The following SCN4A variants were observed in gnomAD, a reference collection of about 807,000 sequenced individuals.
SCN4A encodes sodium channel protein type 4 subunit alpha.
A neutral mutation model predicts 162.0 loss-of-function variants in SCN4A; 83 were observed. That is an observed-to-expected ratio of 0.51 (90% CI 0.43 to 0.61). The LOEUF (loss-of-function observed/expected upper bound fraction) is 0.61, where lower values mean the gene tolerates loss of function less well. Among genes scored for constraint, SCN4A ranks in the 20% least tolerant of loss-of-function variants. SCN4A has a pLI of 0.00. For synonymous variants in SCN4A, 944 were observed against 985.1 expected, an observed-to-expected ratio of 0.96 and a Z score of 0.78; for missense variants, 2,196 against 2,462.5, an observed-to-expected ratio of 0.89 and a Z score of 2.29.
rs558855276 is a variant in SCN4A, at chr17:63,972,721, G to A, written c.121C>T (p.Arg41Trp). 1.7e-5 allele frequency: 28 copies of A among 1,613,544 alleles called. No homozygotes were observed. Among genetic ancestry groups the A allele is most frequent in the East Asian group, 1.3e-4 (6 of 44,872 alleles). Reference protein sequence around the residue: ...RAVEEEARLQRNKQMEIEEPE... With the variant: ...RAVEEEARLQWNKQMEIEEPE... ...TCCTCAATCTCCATCTGCTTATTCCGCTGCAGCCGGGCCTCCTCCTCCACC... is the reference window on the plus strand; with the variant it reads ...TCCTCAATCTCCATCTGCTTATTCCACTGCAGCCGGGCCTCCTCCTCCACC... The change falls in exon 1 of 24, where the codon CGG becomes TGG. Residue 41 changes from arginine to tryptophan, a missense_variant. Coordinates refer to ENST00000435607, the MANE Select transcript of SCN4A (RefSeq NM_000334.4). The surrounding 1 kb of genome is among the most constrained non-coding windows in gnomAD (Gnocchi z 4.3).
In SCN4A at chr17:63,968,296, T is replaced by G; in HGVS notation, c.763A>C (p.Ile255Leu). The G allele has an allele frequency of 1.2e-6, 2 of 1,611,600 alleles. No homozygotes were observed. Among genetic ancestry groups the G allele is most frequent in the Non-Finnish European group, 1.7e-6 (2 of 1,177,914 alleles). The change falls in exon 6 of 24, where the codon ATC (isoleucine) becomes CTC (leucine). Residue 255 changes from isoleucine to leucine, a missense_variant. By Grantham distance (5) the Ile-to-Leu change is conservative. Coordinates refer to ENST00000435607, the MANE Select transcript of SCN4A (RefSeq NM_000334.4). The part of the protein sequence containing the change: ...QSVKKLSDVM[I>L]LTVFCLSVFA... The stretch of plus-strand genomic sequence containing the variant: ...ACGCTCAGGCAGAAGACAGTGAGGA[T>G]CATCACATCCGACAGCTTTTTCACC...
At chr17:63,947,237 G>A in intron 17 of SCN4A, 70 bp from the exon 18 acceptor site, 6 of 1,589,616 alleles carry the variant, frequency 3.8e-6, no homozygotes, top group Non-Finnish European at 5.1e-6. Context: ...AGGCCACGGG[G>A]GTCTTCCTGG....
intron 13 of SCN4A, among the ~76,000 whole-genome samples, chr17:63,953,813 C>T (rs1439596683): frequency 6.6e-6 from 1 of 152,188 alleles, no homozygotes; most frequent in Non-Finnish European, 1.5e-5. Flanking sequence ...AGAGAGGTGG[C>T]GTGGCCTGCT....
Position 63,940,541 on chromosome 17 carries a change from G to C in SCN4A, c.*230C>G. ...TTGCAGGTTAAATCTTGGAGGCAGG[G>C]GCCTCAGACCCAGCATGGAGCCCCT... On this transcript the variant is annotated 3_prime_UTR_variant, in exon 24 of 24. Transcript: ENST00000435607. 2.1e-6 allele frequency: 1 copy of C among 479,142 alleles called. No homozygotes were observed. The highest frequency in any genetic ancestry group is 3.6e-6 in the Non-Finnish European group (1 of 276,340). The allele number at this position is 479,142 out of a possible 1,614,324, so 29.7% of individuals were successfully genotyped here.
In SCN4A at chr17:63,972,333, C is replaced by A. The variant is rs925622516; in HGVS notation, c.392+19G>T. On this transcript the variant is annotated intron_variant, in intron 2 of 23. Coordinates refer to ENST00000435607, the MANE Select transcript of SCN4A (RefSeq NM_000334.4). The surrounding 1 kb of genome is among the most constrained non-coding windows in gnomAD (Gnocchi z 4.3). ...CCCATCCCTAACCCCTCCCGCCTCT[C>A]CCATCTTGGGCAGGATATGCATGGA... 6.2e-7 allele frequency: 1 copy of A among 1,610,388 alleles called. No homozygotes were observed. The highest frequency in any genetic ancestry group is 1.7e-5 in the Admixed American group (1 of 59,814).
rs1303341938 is a variant in SCN4A, at chr17:63,940,897, C to G, written c.5385G>C (p.Lys1795Asn). 2 of 1,613,826 alleles carry G rather than the reference C, an allele frequency of 1.2e-6. No homozygotes were observed. Among genetic ancestry groups the G allele is most frequent in the Non-Finnish European group, 1.7e-6 (2 of 1,179,884 alleles). Reference protein sequence around the residue: ...GNSSSPSPEEKGEAGDAGPTM... With the variant: ...GNSSSPSPEENGEAGDAGPTM... ...TGGGTCCGGCGTCCCCTGCCTCGCCCTTCTCCTCCGGGCTTGGCGAGCTGC... is the reference window on the plus strand; with the variant it reads ...TGGGTCCGGCGTCCCCTGCCTCGCCGTTCTCCTCCGGGCTTGGCGAGCTGC... The change falls in exon 24 of 24, where the codon AAG (lysine) becomes AAC (asparagine). Residue 1795 changes from lysine to asparagine, a missense_variant. Physicochemically the swap from Lys to Asn is moderately conservative, Grantham distance 94 (BLOSUM62 0). Coordinates refer to ENST00000435607, the MANE Select transcript of SCN4A (RefSeq NM_000334.4).
chr17:63,966,698 C>T (rs1273746248), intron 6 of SCN4A, among the ~76,000 whole-genome samples, 154 bp from the exon 7 acceptor site: 1 of 152,250 alleles, frequency 6.6e-6, no homozygotes, highest in Non-Finnish European at 1.5e-5. Flanking sequence ...TTAAGGACAG[C>T]TCCAAGTTCC....
chr17:63,955,403 G>C (rs552536026), intron 13 of SCN4A, among the ~76,000 whole-genome samples: 1 of 152,194 alleles, frequency 6.6e-6, no homozygotes, highest in Non-Finnish European at 1.5e-5. Flanking sequence ...TCCCAGCCAC[G>C]TGGCCAGGCA....
intron 9 of SCN4A, 56 bp from the exon 10 acceptor site, chr17:63,963,881 A>T: frequency 6.7e-7 from 1 of 1,489,628 alleles, no homozygotes; most frequent in Non-Finnish European, 9.1e-7. Context: ...AGAGGGATGG[A>T]CTAATTGACC....
chr17:63,967,878 A>C (rs1653401619), intron 6 of SCN4A, 145 bp downstream of exon 6: 1 of 704,302 alleles, frequency 1.4e-6, no homozygotes, highest in Non-Finnish European at 2.4e-6. Flanking sequence ...GGTTGTAGTG[A>C]GCTGAGATGG....
intron 8 of SCN4A, among the ~76,000 whole-genome samples, chr17:63,965,240 C>T (rs914762294): frequency 5.3e-5 from 8 of 151,970 alleles, no homozygotes; most frequent in Non-Finnish European, 1.0e-4. Context: ...AGATGGGTTT[C>T]GCCATGCTGG....
At chr17:63,957,594 A>C in intron 12 of SCN4A, 76 bp from the exon 13 acceptor site, 2 of 974,458 alleles carry the variant, frequency 2.1e-6, no homozygotes, top group Non-Finnish European at 3.1e-6. Flanking sequence ...TAGGAGAAAG[A>C]ACAGTGTCGA....
chr17:63,951,900 C>A lies in SCN4A; in HGVS notation c.2377G>T (p.Val793Phe), dbSNP rs1487423681. The A allele has an allele frequency of 6.6e-7, 1 of 1,521,388 alleles. No individual in the cohort carries two copies. Among genetic ancestry groups the A allele is most frequent in the African/African-American group, 1.4e-5 (1 of 73,204 alleles). 94.2% of individuals were successfully genotyped at this position (1,521,388 alleles called of 1,614,324 possible). A position where few individuals can be genotyped will look rare whatever the true frequency, so the allele number is the denominator to read the frequency against. The change falls in exon 14 of 24, where the codon GTC becomes TTC. Residue 793 changes from valine to phenylalanine, a missense_variant and splice_region_variant. Coordinates refer to ENST00000435607, the MANE Select transcript of SCN4A (RefSeq NM_000334.4). The surrounding 1 kb of genome is among the most constrained non-coding windows in gnomAD (Gnocchi z 4.5). ...AGCAGAGCCAGGAACAGGTTCAGGA[C>A]CTGGGGCATGGGGTCAGGGGGAGCC... ...LMVMVIGNLV[V>F]LNLFLALLLS...
intron 6 of SCN4A, among the ~76,000 whole-genome samples, chr17:63,967,314 G>A (rs1161234722): frequency 1.3e-5 from 2 of 151,968 alleles, no homozygotes; most frequent in Admixed American, 6.6e-5. Flanking sequence ...CACCACGCCC[G>A]GCTAATTTTT....
At position 63,945,711 on chromosome 17, in the gene SCN4A, C is replaced by T; in HGVS notation, c.3442-73G>A. The T allele has an allele frequency of 6.5e-7, 1 of 1,539,212 alleles. No individual in the cohort carries two copies. The highest frequency in any genetic ancestry group is 8.9e-7 in the Non-Finnish European group (1 of 1,119,646). On this transcript the variant is annotated intron_variant, in intron 18 of 23. Transcript: ENST00000435607. The surrounding 1 kb of genome is among the most constrained non-coding windows in gnomAD (Gnocchi z 4.4). ...GAGGGCTCCACATCTCTACGCCACCCAGGGGACCAGGCAGAGCTGGGCATT... is the reference window on the plus strand; with the variant it reads ...GAGGGCTCCACATCTCTACGCCACCTAGGGGACCAGGCAGAGCTGGGCATT...
At chr17:63,953,453 T>C (rs919638991) in intron 13 of SCN4A, among the ~76,000 whole-genome samples, 5 of 151,778 alleles carry the variant, frequency 3.3e-5, no homozygotes, top group African/African-American at 4.8e-5. Context: ...TTGGCTGTTA[T>C]TATGTTTGAA....
At chr17:63,963,128 C>CTGTCG in intron 10 of SCN4A, among the ~76,000 whole-genome samples, 1 of 152,324 alleles carries the variant, frequency 6.6e-6, no homozygotes, top group Non-Finnish European at 1.5e-5. Context: ...GTCCATCCAT[C>CTGTCG]TGTCGTGTCG....
At chr17:63,959,637 C>T (rs938844587) in intron 11 of SCN4A, among the ~76,000 whole-genome samples, 199 bp from the exon 12 acceptor site, 1 of 152,188 alleles carries the variant, frequency 6.6e-6, no homozygotes, top group African/African-American at 2.4e-5. Context: ...GTCATAGGGC[C>T]TAGGTGGGTA....
intron 18 of SCN4A, 111 bp downstream of exon 18, chr17:63,946,934 C>G (rs1908743186): frequency 8.9e-7 from 1 of 1,119,028 alleles, no homozygotes; most frequent in African/African-American, 1.5e-5. Flanking sequence ...GGTCCAAGCT[C>G]TCTGCTTCCC....
Sources: allele counts gnomAD v4.1 joint callset (sites outside exome capture counted in the v4.1 genomes callset), GRCh38; gene constraint gnomAD v4.1.1; non-coding constraint Gnocchi (gnomAD v3.1); transcripts MANE v1.5; gene names NCBI Gene and HGNC (gene_info 2026-07-23, HGNC 2026-07-21).